The following MAGI2 variants were observed in gnomAD, a reference collection of about 807,000 sequenced individuals.
MAGI2 encodes membrane associated guanylate kinase, WW and PDZ domain containing 2, also known as membrane-associated guanylate kinase, WW and PDZ domain-containing protein 2.
Under a neutral mutation model 133.3 loss-of-function variants are expected in MAGI2, and 35 were observed. The ratio of observed to expected loss-of-function variants is 0.26; its 90% CI spans 0.20 to 0.35. The LOEUF (loss-of-function observed/expected upper bound fraction) is 0.35. Ranked by LOEUF, MAGI2 falls within the 10% of genes least tolerant of loss-of-function variation. MAGI2 has a pLI of 1.00. For synonymous variants in MAGI2, 729 were observed against 710.6 expected, an observed-to-expected ratio of 1.03 and a Z score of -0.41; for missense variants, 1,636 against 1,863.4, an observed-to-expected ratio of 0.88 and a Z score of 2.25.
chr7:79,288,131 C>T (rs1242806552), intron 1 of MAGI2, among the ~76,000 whole-genome samples: 8 of 152,256 alleles, frequency 5.3e-5, no homozygotes, highest in African/African-American at 1.9e-4. Flanking sequence ...ATGCTCACCA[C>T]TAAGAGCACA....
At chr7:78,053,672 A>C (rs994909978) in intron 21 of MAGI2, among the ~76,000 whole-genome samples, 3 of 152,184 alleles carry the variant, frequency 2.0e-5, no homozygotes, top group Admixed American at 6.5e-5. Flanking sequence ...CATTCTCATA[A>C]GCTCCAATCC....
At chr7:78,721,163 T>G (rs1820232195) in intron 2 of MAGI2, among the ~76,000 whole-genome samples, 1 of 152,106 alleles carries the variant, frequency 6.6e-6, no homozygotes, top group Admixed American at 6.5e-5. Flanking sequence ...ACATTTTTAC[T>G]CACCCACACT....
At chr7:78,584,624 G>C (rs574498011) in intron 3 of MAGI2, among the ~76,000 whole-genome samples, 8 of 152,252 alleles carry the variant, frequency 5.3e-5, no homozygotes, top group Admixed American at 3.3e-4. Flanking sequence ...ACCTAATGCA[G>C]TTGTAATTCA....
chr7:79,028,834 G>A (rs979575786), intron 1 of MAGI2, among the ~76,000 whole-genome samples: 1 of 152,032 alleles, frequency 6.6e-6, no homozygotes, highest in African/African-American at 2.4e-5. Context: ...GGACTGATAA[G>A]CTATTGTCTT....
chr7:78,990,551 G>A (rs1046484020), intron 2 of MAGI2, among the ~76,000 whole-genome samples: 1 of 151,900 alleles, frequency 6.6e-6, no homozygotes, highest in African/African-American at 2.4e-5. Context: ...GGTTTCTAAA[G>A]CAACTTAAAA....
intron 4 of MAGI2, among the ~76,000 whole-genome samples, chr7:78,517,205 T>TTTTTTTTTTTTTTTTTGAGACGG (rs1164445060): frequency 2.0e-5 from 3 of 152,052 alleles, no homozygotes; most frequent in South Asian, 2.1e-4. Flanking sequence ...ATATAAATTT[T>TTTTTTTTTTTTTTTTTGAGACGG]AAACATCGGT....
intron 6 of MAGI2, among the ~76,000 whole-genome samples, chr7:78,436,268 A>G (rs1800279825): frequency 6.6e-6 from 1 of 152,172 alleles, no homozygotes; most frequent in Non-Finnish European, 1.5e-5. Context: ...TAACCCAATT[A>G]AACAATTCCC....
At chr7:78,749,116 TG>T (rs1823212043) in intron 2 of MAGI2, among the ~76,000 whole-genome samples, 1 of 152,190 alleles carries the variant, frequency 6.6e-6, no homozygotes, top group South Asian at 2.1e-4. Flanking sequence ...AAGCAGTTTC[TG>T]GTTAAATGAT....
intron 6 of MAGI2, among the ~76,000 whole-genome samples, chr7:78,372,282 T>C (rs569264310): frequency 1.3e-5 from 2 of 152,214 alleles, no homozygotes; most frequent in African/African-American, 2.4e-5. Context: ...ATCTAGATGA[T>C]GAAAAATGAA....
intron 1 of MAGI2, among the ~76,000 whole-genome samples, chr7:79,285,304 C>CT (rs1835920432): frequency 6.6e-6 from 1 of 151,988 alleles, no homozygotes; most frequent in Non-Finnish European, 1.5e-5. Context: ...ACCAAAGATT[C>CT]TTTTTTAAAG....
chr7:78,435,672 G>A, intron 6 of MAGI2, among the ~76,000 whole-genome samples: 1 of 152,076 alleles, frequency 6.6e-6, no homozygotes, highest in East Asian at 1.9e-4. Context: ...AGGTCACAGA[G>A]AATCCCGAGA....
intron 2 of MAGI2, among the ~76,000 whole-genome samples, chr7:78,887,769 A>G (rs1215425434): frequency 6.6e-6 from 1 of 152,238 alleles, no homozygotes; most frequent in Non-Finnish European, 1.5e-5. Flanking sequence ...ATGGCCGAAT[A>G]CGAACAGCAC....
In MAGI2 at chr7:78,924,007, G is replaced by A. The variant is rs1442346678; in HGVS notation, c.418+83083C>T. 2.0e-5 allele frequency among the ~76,000 whole-genome samples: 3 copies of A among 152,176 alleles called. No individual in the cohort carries two copies. The East Asian group carries it at 5.8e-4, about 30-fold the overall frequency. On this transcript the variant is annotated intron_variant, in intron 2 of 21. Transcript: ENST00000354212. ...TTGGCTCTCTGTTTGTCTGTTATTG[G>A]TGTATAAGAATGCTTGTGATTTTTG...
chr7:78,567,602 A>G (rs1801079142), intron 3 of MAGI2, among the ~76,000 whole-genome samples: 1 of 152,204 alleles, frequency 6.6e-6, no homozygotes, highest in African/African-American at 2.4e-5. Flanking sequence ...AACATTTTGT[A>G]GATGTTCCTG....
At chr7:78,538,872 C>G (rs13236207) in intron 3 of MAGI2, among the ~76,000 whole-genome samples, 54,965 of 151,874 alleles carry the variant, frequency 0.36, 11,177 homozygotes, top group South Asian at 0.47. Context: ...AAACAAGAAA[C>G]AAAAAAACCA....
intron 1 of MAGI2, among the ~76,000 whole-genome samples, chr7:79,427,710 T>C (rs546168852): frequency 6.6e-6 from 1 of 152,230 alleles, no homozygotes; most frequent in East Asian, 1.9e-4. Flanking sequence ...TTATAGCAAA[T>C]TCTTAATGTC....
chr7:79,170,983 C>T (rs1378548876), intron 1 of MAGI2, among the ~76,000 whole-genome samples: 1 of 152,084 alleles, frequency 6.6e-6, no homozygotes, highest in Non-Finnish European at 1.5e-5. Flanking sequence ...TCATTCACAA[C>T]ATATATCATA....
Position 78,449,806 on chromosome 7 carries a change from G to C in MAGI2, c.1045+39955C>G, listed in dbSNP as rs17431838. On this transcript the variant is annotated intron_variant, in intron 6 of 21. Transcript: ENST00000354212. ...CATTATCACTTAACCGAGACTTTCA[G>C]ACCTGAGGTTTGGGATAACCAGGTA... Among the ~76,000 whole-genome samples the C allele has an allele frequency of 7.3e-3, 1,108 of 152,136 alleles. 4 individuals are homozygous for C. The highest frequency in any genetic ancestry group is 0.013 in the Non-Finnish European group (862 of 67,968).
chr7:78,412,654 A>G (rs916597139), intron 6 of MAGI2, among the ~76,000 whole-genome samples: 2 of 152,048 alleles, frequency 1.3e-5, no homozygotes, highest in Non-Finnish European at 2.9e-5. Context: ...GGGTTGAGAG[A>G]AAAGGGCAGT....
Sources: gnomAD v4.1 joint callset for allele counts (sites outside exome capture counted in the v4.1 genomes callset) on GRCh38, gnomAD v4.1.1 for gene constraint, MANE v1.5 for transcripts, NCBI Gene and HGNC (gene_info 2026-07-23, HGNC 2026-07-21) for gene names.